Variants in LPIN1 observed in about 807,000 individuals in gnomAD.
LPIN1 encodes phosphatidate phosphatase LPIN1.
A neutral mutation model predicts 107.5 loss-of-function variants in LPIN1; 71 were observed. The observed-to-expected ratio is 0.66, with a 90% CI of 0.55 to 0.80. The LOEUF is 0.80. Among genes scored for constraint, LPIN1 ranks in the 30% least tolerant of loss-of-function variants. The pLI is 0.00. For missense variants in LPIN1, 1,043 were observed against 1,160.6 expected, an observed-to-expected ratio of 0.90 and a Z score of 1.47; for synonymous variants, 445 against 452.6, an observed-to-expected ratio of 0.98 and a Z score of 0.21.
At chr2:11,783,790 G>A (rs1673976458) in intron 8 of LPIN1, 39 bp from the exon 9 acceptor site, 1 of 1,530,076 alleles carries the variant, frequency 6.5e-7, no homozygotes. Context: ...CTCATTTCTA[G>A]AAGAGTGGTT....
Position 11,784,892 on chromosome 2 carries a change from T to A in LPIN1, c.1365T>A (p.Asp455Glu). 1.2e-6 allele frequency: 2 copies of A among 1,613,784 alleles called. No individual in the cohort carries two copies. Among genetic ancestry groups the A allele is most frequent in the Non-Finnish European group, 8.5e-7 (1 of 1,179,942 alleles). ...CCGCTTTTCCTCCTTCCAGCGGAGA[T>A]CCTTCCGGACTCGCAAAACATGCAA... ...VAALYFPKNG[D>E]PSGLAKHASD... Residue 455 changes from aspartate to glutamate, a missense_variant, in exon 10 of 21, where the codon GAT becomes GAA. Asp to Glu is a conservative substitution (Grantham distance 45). Coordinates refer to ENST00000674199, the MANE Select transcript of LPIN1 (RefSeq NM_001349206.2).
upstream of LPIN1, chr2:11,742,149 C>T (rs1010478649): frequency 6.6e-6 from 1 of 152,088 alleles, no homozygotes; most frequent in Non-Finnish European, 1.5e-5. Flanking sequence ...TGCACCTGAC[C>T]AGGTTGCCTA....
intron 8 of LPIN1, 88 bp downstream of exon 8, chr2:11,782,595 A>C: frequency 6.9e-7 from 1 of 1,452,230 alleles, no homozygotes; most frequent in Non-Finnish European, 9.6e-7. Flanking sequence ...AGTTCCAAGG[A>C]AACTGAGGTA....
intron 6 of LPIN1, among the ~76,000 whole-genome samples, chr2:11,776,724 T>C (rs1002317201): frequency 2.6e-5 from 4 of 152,248 alleles, no homozygotes; most frequent in Admixed American, 2.6e-4. Context: ...TGGCCTGGGC[T>C]GGGTCTCAGG....
rs730880306 is a variant in LPIN1, at chr2:11,785,078, T to C, written c.1549+2T>C. On this transcript the variant is annotated splice_donor_variant, in intron 10 of 20. Transcript: ENST00000674199. LOFTEE classifies it high-confidence loss of function. Reference sequence around the variant, plus strand: ...GCGACCACCGGGAGATCACGAAAGGTACCGCGGGCCTCGCGCGGGCGCCCT... The same window carrying C: ...GCGACCACCGGGAGATCACGAAAGGCACCGCGGGCCTCGCGCGGGCGCCCT... 1.9e-6 allele frequency: 3 copies of C among 1,557,998 alleles called. No individual in the cohort carries two copies. The highest frequency in any genetic ancestry group is 2.6e-6 in the Non-Finnish European group (3 of 1,155,400).
chr2:11,801,218 T>C (rs1677673749), intron 14 of LPIN1, among the ~76,000 whole-genome samples: 3 of 152,168 alleles, frequency 2.0e-5, no homozygotes, highest in Non-Finnish European at 1.5e-5. Flanking sequence ...AAACTAAAAA[T>C]AGAACTAGCA....
At chr2:11,683,543 G>A (rs1216804914) in intron 1 of LPIN1, among the ~76,000 whole-genome samples, 1 of 152,108 alleles carries the variant, frequency 6.6e-6, no homozygotes, top group East Asian at 1.9e-4. Context: ...GGACTGAGAA[G>A]GAAGAAGAGA....
intron 6 of LPIN1, among the ~76,000 whole-genome samples, chr2:11,776,395 T>C (rs1021937444): frequency 6.6e-6 from 1 of 152,292 alleles, no homozygotes; most frequent in African/African-American, 2.4e-5. Context: ...TATAGATTAC[T>C]CTTTTCCTTT....
intron 17 of LPIN1, among the ~76,000 whole-genome samples, chr2:11,809,520 G>A (rs1185145478): frequency 2.0e-5 from 3 of 152,106 alleles, no homozygotes; most frequent in African/African-American, 2.4e-5. Flanking sequence ...AGGTTCAAGC[G>A]ATTCTCCTGC....
At chr2:11,768,791 C>T (rs113348876) in intron 3 of LPIN1, among the ~76,000 whole-genome samples, 2 of 152,134 alleles carry the variant, frequency 1.3e-5, no homozygotes, top group South Asian at 4.1e-4. Flanking sequence ...AAAAAATTAG[C>T]TGGGCGTGGT....
At chr2:11,822,277 CAAAA>C (rs751514674) in intron 20 of LPIN1, among the ~76,000 whole-genome samples, 3 of 78,876 alleles carry the variant, frequency 3.8e-5, no homozygotes, top group Admixed American at 1.5e-4. Flanking sequence ...CTAGAAATGC[CAAAA>C]AAAAAAAAAA....
intron 20 of LPIN1, among the ~76,000 whole-genome samples, chr2:11,822,868 A>C (rs1205371078): frequency 6.6e-6 from 1 of 152,208 alleles, no homozygotes; most frequent in African/African-American, 2.4e-5. Context: ...GCATTGACTG[A>C]GGCTCTAGGG....
rs763087250 is a variant in LPIN1 at position 11,773,764 on chromosome 2, C to T, written c.722+19C>T. ...CTCCCAGGTAAGCTGTTCCCTGTTC[C>T]CCTGGCCCAGTGCAGAGGCTTAGAA... is the stretch of plus-strand genomic sequence containing the variant. On this transcript the variant is annotated intron_variant, in intron 5 of 20. Transcript: ENST00000674199. 6.2e-7 allele frequency: 1 copy of T among 1,613,782 alleles called. No homozygotes were observed. Among genetic ancestry groups the T allele is most frequent in the Admixed American group, 1.7e-5 (1 of 60,026 alleles).
intron 1 of LPIN1, among the ~76,000 whole-genome samples, chr2:11,711,861 GT>G (rs1326720571): frequency 6.6e-6 from 1 of 152,218 alleles, no homozygotes; most frequent in Non-Finnish European, 1.5e-5. Context: ...CTCCTCCTCT[GT>G]AATCCCCAGT....
In LPIN1 at chr2:11,792,021, C is replaced by G. The variant is rs980945188; in HGVS notation, c.1806+15C>G. ...CAATCAAGGAGGTAAGCCCAGAAGA[C>G]AAAGCAGTGCTCACACTTAGCAAGT... On this transcript the variant is annotated intron_variant, in intron 13 of 20. Coordinates refer to ENST00000674199, the MANE Select transcript of LPIN1 (RefSeq NM_001349206.2). 1.9e-6 allele frequency: 3 copies of G among 1,605,546 alleles called. No homozygotes were observed. Among genetic ancestry groups the G allele is most frequent in the Non-Finnish European group, 2.6e-6 (3 of 1,172,762 alleles).
chr2:11,767,562 C>T lies in LPIN1; in HGVS notation c.193-201C>T, dbSNP rs116641571. The stretch of plus-strand genomic sequence containing the variant: ...GGGTTCCATCTTTCCTGGTCAGGGA[C>T]CTGCCCTCCCGAACCCAGAACTCCT... On this transcript the variant is annotated intron_variant, in intron 2 of 20. Coordinates refer to ENST00000674199, the MANE Select transcript of LPIN1 (RefSeq NM_001349206.2). The T allele has an allele frequency of 7.9e-4, 486 of 614,846 alleles. 1 individual carries two copies. In the African/African-American group the frequency reaches 8.2e-3, roughly 10 times the overall value. 38.1% of individuals were successfully genotyped at this position (614,846 alleles called of 1,614,324 possible).
At chr2:11,760,383 C>T (rs191064915) in intron 1 of LPIN1, among the ~76,000 whole-genome samples, 1,575 of 152,358 alleles carry the variant, frequency 0.01, 23 homozygotes, top group African/African-American at 0.035. Context: ...GCACTCCAGC[C>T]TGGGCAACAT....
intron 1 of LPIN1, among the ~76,000 whole-genome samples, chr2:11,759,997 C>G (rs1240458385): frequency 7.0e-6 from 1 of 142,672 alleles, no homozygotes; most frequent in Non-Finnish European, 1.5e-5. Context: ...CTCCTCACTT[C>G]TCAGACGGGG....
At chr2:11,683,459 C>T (rs6432226) in intron 1 of LPIN1, 48,924 of 152,222 alleles carry the variant, frequency 0.32, 8,096 homozygotes, top group East Asian at 0.55. Context: ...ATGGGAGCGG[C>T]TGAAGGGAGG....
Sources: allele counts gnomAD v4.1 joint callset (sites outside exome capture counted in the v4.1 genomes callset), GRCh38; gene constraint gnomAD v4.1.1; transcripts MANE v1.5; gene names NCBI Gene and HGNC (gene_info 2026-07-23, HGNC 2026-07-21).